The following LIG1 variants were observed in gnomAD, a reference collection of about 807,000 sequenced individuals.
The protein encoded by LIG1 is DNA ligase 1, also known as ligase I, DNA, ATP-dependent.
LIG1 carries 70 observed loss-of-function variants against 115.7 expected under a neutral mutation model. The ratio of observed to expected loss-of-function variants is 0.60; its 90% CI spans 0.50 to 0.74. The LOEUF is 0.74. Ranked by LOEUF, LIG1 falls within the 30% of genes least tolerant of loss-of-function variation. The pLI, the probability that LIG1 is intolerant of heterozygous loss-of-function variation, is 0.00. For synonymous variants in LIG1, 487 were observed against 495.3 expected, an observed-to-expected ratio of 0.98 and a Z score of 0.22; for missense variants, 1,115 against 1,225.6, an observed-to-expected ratio of 0.91 and a Z score of 1.35.
chr19:48,142,336 G>A (rs942113770), intron 11 of LIG1, among the ~76,000 whole-genome samples: 4 of 151,158 alleles, frequency 2.6e-5, no homozygotes, highest in South Asian at 2.1e-4. Context: ...CCAGCTACTC[G>A]GGAGGCTGAG....
chr19:48,137,272 T>C lies in LIG1; in HGVS notation c.1255-188A>G, dbSNP rs1394960716. On this transcript the variant is annotated intron_variant, in intron 13 of 27. Transcript: ENST00000263274. The surrounding 1 kb of genome is among the most constrained non-coding windows in gnomAD (Gnocchi z 4.3). ...GAACGAGCTAGCTCTCCTCCTTGCC[T>C]CCCTCTCCCTTTATCCAGGAAGTAT... 2.0e-5 allele frequency among the ~76,000 whole-genome samples: 3 copies of C among 152,144 alleles called. No individual in the cohort carries two copies. Among genetic ancestry groups the C allele is most frequent in the African/African-American group, 2.4e-5 (1 of 41,432 alleles).
chr19:48,164,375 C>T (rs1056974034), intron 2 of LIG1, among the ~76,000 whole-genome samples: 3 of 152,176 alleles, frequency 2.0e-5, no homozygotes, highest in African/African-American at 2.4e-5. Context: ...CTGGGTCTCT[C>T]TACCATCCAT....
chr19:48,149,275 C>T (rs192527980), intron 9 of LIG1, among the ~76,000 whole-genome samples: 7 of 152,154 alleles, frequency 4.6e-5, no homozygotes, highest in East Asian at 3.9e-4. Context: ...GCAGGCTAGG[C>T]GACAGAGCAA....
At chr19:48,138,184 C>T (rs117147336) in intron 12 of LIG1, among the ~76,000 whole-genome samples, 1,548 of 152,178 alleles carry the variant, frequency 0.01, 14 homozygotes, top group Non-Finnish European at 0.018. Context: ...GTCCCATGGG[C>T]GCCTGGGTGT....
chr19:48,141,160 G>T (rs1158756604), intron 11 of LIG1, among the ~76,000 whole-genome samples: 2 of 152,142 alleles, frequency 1.3e-5, no homozygotes, highest in African/African-American at 2.4e-5. Context: ...TTTTTTTTGA[G>T]ACGGAGTCTC....
In LIG1 at chr19:48,162,156, GT is replaced by G; in HGVS notation, c.107+105del. 7.1e-6 allele frequency: 8 copies of G among 1,124,980 alleles called. 1 individual carries two copies. In the Admixed American group the frequency reaches 8.7e-5, roughly 12 times the overall value. The allele number at this position is 1,124,980 out of a possible 1,614,324, so 69.7% of individuals were successfully genotyped here. On this transcript the variant is annotated intron_variant, in intron 3 of 27. Transcript: ENST00000263274. ...GACTTCTGGCCACCTGGCTGAAAAA[GT>G]TTTTTGGGCCCCAAGACATTTTGCA...
At chr19:48,134,110 A>G (rs912848908) in intron 16 of LIG1, 44 bp from the exon 17 acceptor site, 7 of 1,509,734 alleles carry the variant, frequency 4.6e-6, no homozygotes, top group African/African-American at 1.4e-5. Context: ...CCTTTCTAGA[A>G]CTCACACAGT....
At chr19:48,147,096 A>T (rs1391905789) in intron 9 of LIG1, among the ~76,000 whole-genome samples, 2 of 152,224 alleles carry the variant, frequency 1.3e-5, no homozygotes, top group Admixed American at 6.5e-5. Flanking sequence ...TTAAACTGTA[A>T]TCATGAAATG....
At chr19:48,148,562 G>A (rs923312798) in intron 9 of LIG1, among the ~76,000 whole-genome samples, 7 of 152,196 alleles carry the variant, frequency 4.6e-5, no homozygotes, top group African/African-American at 1.4e-4. Flanking sequence ...GATGCCAGGA[G>A]GCTGCAATGT....
Position 48,135,719 on chromosome 19 carries a change from C to G in LIG1, c.1484G>C (p.Trp495Ser). ...KGKTAEARKT[W>S]LEEQGMILKQ... ...CAGGATCATGCCTTGCTCCTCCAGCCACGTCTTTCTGGCCTCTGCTGTCTT... is the reference window on the plus strand; with the variant it reads ...CAGGATCATGCCTTGCTCCTCCAGCGACGTCTTTCTGGCCTCTGCTGTCTT... The change falls in exon 16 of 28, where the codon TGG becomes TCG. Residue 495 changes from tryptophan to serine, a missense_variant. Trp to Ser is a radical substitution (Grantham distance 177, BLOSUM62 -3). Transcript: ENST00000263274. The G allele has an allele frequency of 6.2e-7, 1 of 1,614,196 alleles. No homozygotes were observed. The highest frequency in any genetic ancestry group is 1.1e-5 in the South Asian group (1 of 91,082).
chr19:48,133,507 C>T, intron 17 of LIG1: 1 of 312,360 alleles, frequency 3.2e-6, no homozygotes, highest in Non-Finnish European at 6.2e-6. Flanking sequence ...GACACAGCTG[C>T]ACACCTGTAC....
intron 21 of LIG1, 114 bp from the exon 22 acceptor site, chr19:48,123,432 G>A (rs1272166850): frequency 2.4e-5 from 31 of 1,270,122 alleles, no homozygotes; most frequent in Non-Finnish European, 2.9e-5. Flanking sequence ...GACAGGGTTC[G>A]TGGAAAGCCT....
At chr19:48,147,067 G>A (rs183599077) in intron 9 of LIG1, among the ~76,000 whole-genome samples, 61 of 152,226 alleles carry the variant, frequency 4.0e-4, no homozygotes, top group Admixed American at 3.3e-3. Flanking sequence ...AGAATCCTCC[G>A]AACACTTTTT....
intron 11 of LIG1, among the ~76,000 whole-genome samples, chr19:48,143,155 G>T (rs976024209): frequency 1.3e-5 from 2 of 152,132 alleles, no homozygotes; most frequent in Non-Finnish European, 2.9e-5. Flanking sequence ...TGAGTAGGGG[G>T]TCCTCGCTAT....
Position 48,151,239 on chromosome 19 carries a change from C to A in LIG1, c.567G>T (p.Lys189Asn), listed in dbSNP as rs1391769800. ...AGAGGACCAGAAACTCACTGGAGGT[C>A]TTTAGGGGCTTGGGAGGCGTGGTGG... ...DQPTTPPKPL[K>N]TSKAETPTES... The change falls in exon 7 of 28, where the codon AAG (lysine) becomes AAT (asparagine). Residue 189 changes from lysine (K) to asparagine (N), a missense_variant. By Grantham distance (94) the Lys-to-Asn change is moderately conservative. Coordinates refer to ENST00000263274, the MANE Select transcript of LIG1 (RefSeq NM_000234.3). The A allele has an allele frequency of 1.2e-6, 2 of 1,611,586 alleles. No individual in the cohort carries two copies. Among genetic ancestry groups the A allele is most frequent in the Non-Finnish European group, 1.7e-6 (2 of 1,177,784 alleles).
chr19:48,121,026 A>T (rs916179805), intron 24 of LIG1, 144 bp downstream of exon 24: 2 of 1,523,310 alleles, frequency 1.3e-6, no homozygotes, highest in African/African-American at 2.8e-5. Flanking sequence ...ATAGAACCAG[A>T]AAAAGTAAAT....
At chr19:48,135,621 C>G in intron 16 of LIG1, 59 bp downstream of exon 16, 1 of 1,373,672 alleles carries the variant, frequency 7.3e-7, no homozygotes, top group Non-Finnish European at 1.0e-6. Flanking sequence ...CTGGCTCCAC[C>G]CCCACCCTGG....
intron 12 of LIG1, among the ~76,000 whole-genome samples, chr19:48,138,758 A>G (rs3730959): frequency 0.013 from 2,001 of 152,316 alleles, 41 homozygotes; most frequent in African/African-American, 0.046. Flanking sequence ...TTCTTTTGTG[A>G]GAAAAACAGA....
chr19:48,123,920 C>T lies in LIG1; in HGVS notation c.2005-602G>A, dbSNP rs142810388. The stretch of plus-strand genomic sequence containing the variant: ...AAGTTTTCACTGAGTTTTTCCAGCA[C>T]ATTTACAGTTTTGTGTTTTGCTTTG... On this transcript the variant is annotated intron_variant, in intron 21 of 27. Transcript: ENST00000263274. Among the ~76,000 whole-genome samples the T allele has an allele frequency of 3.5e-3, 537 of 151,956 alleles. 2 individuals carry two copies. The highest frequency in any genetic ancestry group is 0.012 in the African/African-American group (516 of 41,440).
Sources: gnomAD v4.1 joint callset for allele counts (sites outside exome capture counted in the v4.1 genomes callset) on GRCh38, gnomAD v4.1.1 for gene constraint, Gnocchi (gnomAD v3.1) non-coding constraint, MANE v1.5 for transcripts, NCBI Gene and HGNC (gene_info 2026-07-23, HGNC 2026-07-21) for gene names.